The following PRSS12 variants were observed in gnomAD, a reference collection of about 807,000 sequenced individuals.
PRSS12 encodes neurotrypsin.
PRSS12 carries 85 observed loss-of-function variants against 104.4 expected under a neutral mutation model. That is an observed-to-expected ratio of 0.81 (90% CI 0.68 to 0.98). The LOEUF (loss-of-function observed/expected upper bound fraction) is 0.98. Ranked by LOEUF, PRSS12 falls within the 50% of genes least tolerant of loss-of-function variation. PRSS12 has a pLI of 0.00. For synonymous variants in PRSS12, 454 were observed against 425.2 expected (o/e 1.07, Z -0.83); for missense variants, 1,141 against 1,139.2 (o/e 1.00, Z -0.02).
chr4:118,346,898 T>C (rs1724369147), intron 1 of PRSS12, among the ~76,000 whole-genome samples: 1 of 152,170 alleles, frequency 6.6e-6, no homozygotes, highest in Non-Finnish European at 1.5e-5. Context: ...TCCACAGAAC[T>C]GGTCCCTGGT....
chr4:118,322,193 A>C (rs1251387034), intron 4 of PRSS12, among the ~76,000 whole-genome samples: 1 of 152,164 alleles, frequency 6.6e-6, no homozygotes, highest in Non-Finnish European at 1.5e-5. Flanking sequence ...AAAAAATTCA[A>C]CTGTTTTAAA....
chr4:118,290,602 C>T (rs1459252580), intron 11 of PRSS12, among the ~76,000 whole-genome samples: 2 of 152,144 alleles, frequency 1.3e-5, no homozygotes, highest in African/African-American at 4.8e-5. Context: ...TTATAAAATA[C>T]TTTGACATAC....
intron 1 of PRSS12, among the ~76,000 whole-genome samples, chr4:118,351,551 G>A (rs1384334255): frequency 6.6e-6 from 1 of 152,202 alleles, no homozygotes; most frequent in Middle Eastern, 3.4e-3. Context: ...GGAAAACTGT[G>A]TATAACTATA....
chr4:118,308,704 G>T (rs1348453009), intron 7 of PRSS12, 127 bp from the exon 8 acceptor site: 7 of 1,272,748 alleles, frequency 5.5e-6, no homozygotes, highest in Non-Finnish European at 6.7e-6. Context: ...ATACTTTTTT[G>T]AGAGAGAGGA....
At chr4:118,298,140 C>CAAAAA (rs889038925) in intron 9 of PRSS12, among the ~76,000 whole-genome samples, 3 of 59,466 alleles carry the variant, frequency 5.0e-5, no homozygotes, top group Admixed American at 1.8e-4. Context: ...TCCGTCTCAA[C>CAAAAA]AAAAAAAAAA....
At position 118,352,738 on chromosome 4, in the gene PRSS12, G is replaced by A. The variant is rs1724556641; in HGVS notation, c.-18C>T. On this transcript the variant is annotated 5_prime_UTR_variant, in exon 1 of 13. Coordinates refer to ENST00000296498, the MANE Select transcript of PRSS12 (RefSeq NM_003619.4). Reference sequence around the variant, plus strand: ...AGCGTCATGGTGCCAGCGCTGCGGGGTCTGGTCCATGCTCCCCAGCTTCTC... The same window carrying A: ...AGCGTCATGGTGCCAGCGCTGCGGGATCTGGTCCATGCTCCCCAGCTTCTC... The A allele has an allele frequency of 1.2e-6, 2 of 1,611,764 alleles. No homozygotes were observed. The highest frequency in any genetic ancestry group is 1.7e-6 in the Non-Finnish European group (2 of 1,178,892).
chr4:118,332,033 T>A (rs1429099276), intron 3 of PRSS12, among the ~76,000 whole-genome samples, 167 bp from the exon 4 acceptor site: 1 of 152,228 alleles, frequency 6.6e-6, no homozygotes, highest in Non-Finnish European at 1.5e-5. Flanking sequence ...ATGGTAATCT[T>A]GGCCAATTAA....
At chr4:118,302,154 C>G (rs988254877) in intron 8 of PRSS12, among the ~76,000 whole-genome samples, 1 of 152,254 alleles carries the variant, frequency 6.6e-6, no homozygotes, top group African/African-American at 2.4e-5. Flanking sequence ...GGGTGACACA[C>G]TGAATTACAT....
Position 118,298,981 on chromosome 4 carries a change from C to T in PRSS12, c.1632-43G>A, listed in dbSNP as rs1433045280. 1.9e-6 allele frequency: 3 copies of T among 1,589,054 alleles called. No individual in the cohort carries two copies. The African/African-American group carries it at 4.0e-5, about 21-fold the overall frequency. On this transcript the variant is annotated intron_variant, in intron 8 of 12. Coordinates refer to ENST00000296498, the MANE Select transcript of PRSS12 (RefSeq NM_003619.4). ...TTAATCATGTGAAGAATCAGTCAGT[C>T]ATATATCTGAATAAATCACAACATG...
chr4:118,282,192 T>G lies in PRSS12; in HGVS notation c.2372A>C (p.Lys791Thr). 1 of 1,614,164 alleles carries G rather than the reference T, an allele frequency of 6.2e-7. No homozygotes were observed. Among genetic ancestry groups the G allele is most frequent in the South Asian group, 1.1e-5 (1 of 91,084 alleles). ...CTTATAACGTTCTTCACAAAACCTT[T>G]TAGGAAGTAAGGGAATGGCTGCTTG... ...LQQAAIPLLP[K>T]RFCEERYKGR... is the part of the protein sequence containing the mutation. Residue 791 changes from lysine to threonine, a missense_variant, in exon 13 of 13, where the codon AAA (lysine) becomes ACA (threonine). Transcript: ENST00000296498.
chr4:118,289,810 A>C (rs957463632), intron 11 of PRSS12, among the ~76,000 whole-genome samples: 7 of 152,234 alleles, frequency 4.6e-5, no homozygotes, highest in African/African-American at 1.7e-4. Flanking sequence ...TTTGCAAAGC[A>C]GTTTTTTCCC....
At chr4:118,349,128 C>A (rs568865540) in intron 1 of PRSS12, among the ~76,000 whole-genome samples, 75 of 152,206 alleles carry the variant, frequency 4.9e-4, no homozygotes, top group Non-Finnish European at 9.7e-4. Flanking sequence ...ATGGAGACAC[C>A]AACTTCCTCA....
rs1174157337 is a variant in PRSS12, at chr4:118,352,994, C to G, written c.-274G>C. 1.3e-5 allele frequency: 10 copies of G among 744,210 alleles called. No individual in the cohort carries two copies. Among genetic ancestry groups the G allele is most frequent in the Non-Finnish European group, 1.9e-5 (10 of 527,454 alleles). The allele number at this position is 744,210 out of a possible 1,614,324, so 46.1% of individuals were successfully genotyped here. On this transcript the variant is annotated 5_prime_UTR_variant, in exon 1 of 13. Transcript: ENST00000296498. ...GGAGAGGACCGGAAAAGAGAAGGCG[C>G]GGACGCAGCGGGGAGCGGTTGGGCC...
chr4:118,314,503 T>A (rs1408200673), intron 6 of PRSS12, among the ~76,000 whole-genome samples: 1 of 152,124 alleles, frequency 6.6e-6, no homozygotes, highest in African/African-American at 2.4e-5. Flanking sequence ...TTTCACGAAA[T>A]ACATTAGATT....
At chr4:118,307,424 A>G (rs929498046) in intron 8 of PRSS12, among the ~76,000 whole-genome samples, 1 of 152,216 alleles carries the variant, frequency 6.6e-6, no homozygotes, top group Non-Finnish European at 1.5e-5. Flanking sequence ...AATATTTAAA[A>G]TGAACACAGA....
intron 9 of PRSS12, 94 bp from the exon 10 acceptor site, chr4:118,295,950 T>G: frequency 8.8e-7 from 1 of 1,136,970 alleles, no homozygotes; most frequent in Non-Finnish European, 1.3e-6. Context: ...TCCTCCTCTA[T>G]GTCAAAATCC....
At position 118,352,496 on chromosome 4, in the gene PRSS12, C is replaced by T; in HGVS notation, c.225G>A (p.Gln75=). 4.3e-6 allele frequency: 6 copies of T among 1,383,058 alleles called. No individual in the cohort carries two copies. The highest frequency in any genetic ancestry group is 5.6e-6 in the Non-Finnish European group (6 of 1,073,528). 85.7% of individuals were successfully genotyped at this position (1,383,058 alleles called of 1,614,324 possible). Residue 75 remains glutamine, a synonymous_variant, in exon 1 of 13, where the codon CAG becomes CAA. Transcript: ENST00000296498. The part of the protein sequence containing the change: ...FPRPPRALPA[Q]RPHALQAGHT... ...GCCCGGCCTGGAGGGCGTGCGGGCGCTGGGCAGGGAGCGCCCGCGGGGGGC... is the reference window on the plus strand; with the variant it reads ...GCCCGGCCTGGAGGGCGTGCGGGCGTTGGGCAGGGAGCGCCCGCGGGGGGC...
rs1742841839 is a variant in PRSS12 at position 118,281,256 on chromosome 4, G to C, written c.*680C>G. The stretch of plus-strand genomic sequence containing the variant: ...CCAGAAATCCTTTCAAATTTTGCTA[G>C]TTTATACGCTGTAGGTAGAAAGTAT... On this transcript the variant is annotated 3_prime_UTR_variant, in exon 13 of 13. Transcript: ENST00000296498. 1 of 152,838 alleles carries C rather than the reference G, an allele frequency of 6.5e-6. No individual in the cohort carries two copies. The highest frequency in any genetic ancestry group is 1.5e-5 in the Non-Finnish European group (1 of 68,508). 9.5% of individuals were successfully genotyped at this position (152,838 alleles called of 1,614,324 possible).
At chr4:118,316,595 G>A (rs1042702899) in intron 5 of PRSS12, among the ~76,000 whole-genome samples, 1 of 118,444 alleles carries the variant, frequency 8.4e-6, no homozygotes, top group Non-Finnish European at 2.0e-5. Context: ...GCTGAGGCAG[G>A]TGGATCACCT....
Sources: allele counts gnomAD v4.1 joint callset (sites outside exome capture counted in the v4.1 genomes callset), GRCh38; gene constraint gnomAD v4.1.1; transcripts MANE v1.5; gene names NCBI Gene and HGNC (gene_info 2026-07-23, HGNC 2026-07-21).